Variants in MALRD1 observed in about 807,000 individuals in gnomAD.
MALRD1 encodes the protein MAM and LDL-receptor class A domain-containing protein 1.
MALRD1 carries 247 observed loss-of-function variants against 242.1 expected under a neutral mutation model. That is an observed-to-expected ratio of 1.02 (90% CI 0.92 to 1.13). The LOEUF (loss-of-function observed/expected upper bound fraction) is 1.13, where lower values mean the gene tolerates loss of function less well. Ranked by LOEUF, MALRD1 falls within the 50% of genes most tolerant of loss-of-function variation. The probability of loss-of-function intolerance (pLI) is 0.00; values close to 1 mark genes in which losing one functional copy is unlikely to be tolerated. For synonymous variants in MALRD1, 995 were observed against 866.6 expected (o/e 1.15, Z -2.60); for missense variants, 2,989 against 2,533.1 (o/e 1.18, Z -3.86).
intron 33 of MALRD1, among the ~76,000 whole-genome samples, chr10:19,574,298 G>A (rs1205511559): frequency 2.0e-5 from 3 of 152,152 alleles, no homozygotes; most frequent in Non-Finnish European, 1.5e-5. Flanking sequence ...TATATGCCTG[G>A]ATGAGTTCCT....
At chr10:19,602,900 A>T (rs1838430688) in intron 34 of MALRD1, among the ~76,000 whole-genome samples, 1 of 152,088 alleles carries the variant, frequency 6.6e-6, no homozygotes, top group Non-Finnish European at 1.5e-5. Flanking sequence ...AACTGGTGTG[A>T]GATGGTATCT....
intron 29 of MALRD1, among the ~76,000 whole-genome samples, chr10:19,475,482 A>G (rs1209138131): frequency 1.3e-5 from 2 of 152,204 alleles, no homozygotes; most frequent in Non-Finnish European, 2.9e-5. Context: ...TTACAAAATA[A>G]AGAATATAAG....
intron 28 of MALRD1, among the ~76,000 whole-genome samples, chr10:19,399,177 A>G (rs1268611825): frequency 1.3e-5 from 2 of 152,188 alleles, no homozygotes; most frequent in Non-Finnish European, 2.9e-5. Context: ...GAAATTTTGT[A>G]GGTTCAACTG....
At chr10:19,386,024 T>C (rs1305240602) in intron 26 of MALRD1, among the ~76,000 whole-genome samples, 3 of 152,142 alleles carry the variant, frequency 2.0e-5, no homozygotes, top group African/African-American at 7.2e-5. Context: ...AAAGTCCACC[T>C]AATTAGGCAA....
At chr10:19,180,676 A>G (rs946169841) in intron 14 of MALRD1, among the ~76,000 whole-genome samples, 6 of 152,226 alleles carry the variant, frequency 3.9e-5, no homozygotes, top group Non-Finnish European at 5.9e-5. Flanking sequence ...ATTTTTTAAT[A>G]TCACACCAAA....
At chr10:19,674,108 C>G (rs181439762) in intron 36 of MALRD1, among the ~76,000 whole-genome samples, 4 of 151,960 alleles carry the variant, frequency 2.6e-5, no homozygotes, top group Non-Finnish European at 5.9e-5. Context: ...TCCATGAAAG[C>G]GCAAGATAGT....
intron 21 of MALRD1, among the ~76,000 whole-genome samples, chr10:19,309,612 G>A (rs753650281): frequency 6.6e-6 from 1 of 151,540 alleles, no homozygotes; most frequent in Non-Finnish European, 1.5e-5. Flanking sequence ...CAGGTGAAAA[G>A]GTGGTGTTGG....
chr10:19,730,500 A>G (rs1362006684), intron 38 of MALRD1: 1 of 622,062 alleles, frequency 1.6e-6, no homozygotes, highest in Non-Finnish European at 2.9e-6. Context: ...TTCAAATTAC[A>G]TTTGCTTTCC....
intron 33 of MALRD1, among the ~76,000 whole-genome samples, chr10:19,573,347 T>C (rs1836653214): frequency 6.6e-6 from 1 of 152,154 alleles, no homozygotes; most frequent in African/African-American, 2.4e-5. Flanking sequence ...TCAGGGCACC[T>C]ACCCAGCTCA....
chr10:19,355,742 G>T (rs1036162572), intron 26 of MALRD1, among the ~76,000 whole-genome samples: 8 of 149,762 alleles, frequency 5.3e-5, no homozygotes, highest in African/African-American at 2.0e-4. Flanking sequence ...GCTAAACTTG[G>T]TTTAGAGACT....
At position 19,653,193 on chromosome 10, in the gene MALRD1, T is replaced by TTTA. The variant is rs201299351; in HGVS notation, c.6137+37282_6137+37284dup. Among the ~76,000 whole-genome samples, 451 of 151,692 alleles carry TTTA rather than the reference T, an allele frequency of 3.0e-3. 2 individuals are homozygous for TTTA. Among genetic ancestry groups the TTTA allele is most frequent in the African/African-American group, 9.7e-3 (403 of 41,366 alleles). ...TCTCTTGCTGATTTCTCTTTTATAT[T>TTTA]TTATTATTATTATTTTTTTTTGAGA... On this transcript the variant is annotated intron_variant, in intron 36 of 39. Coordinates refer to ENST00000454679, the MANE Select transcript of MALRD1 (RefSeq NM_001142308.3).
intron 18 of MALRD1, among the ~76,000 whole-genome samples, chr10:19,229,594 C>T (rs193221013): frequency 2.6e-5 from 4 of 152,262 alleles, no homozygotes; most frequent in Non-Finnish European, 4.4e-5. Context: ...CGTTTAGTCG[C>T]TTCCACCCAT....
chr10:19,524,973 G>A (rs1212152744), intron 31 of MALRD1, among the ~76,000 whole-genome samples: 2 of 151,532 alleles, frequency 1.3e-5, no homozygotes, highest in Admixed American at 6.6e-5. Flanking sequence ...GCATAATCTC[G>A]GCTTACTGCA....
At chr10:19,255,614 G>T (rs1279950870) in intron 18 of MALRD1, among the ~76,000 whole-genome samples, 1 of 151,898 alleles carries the variant, frequency 6.6e-6, no homozygotes, top group Non-Finnish European at 1.5e-5. Flanking sequence ...CATACAAATG[G>T]ACAATTTTAG....
At chr10:19,160,016 AC>A (rs1306479673) in intron 12 of MALRD1, among the ~76,000 whole-genome samples, 1 of 152,198 alleles carries the variant, frequency 6.6e-6, no homozygotes, top group African/African-American at 2.4e-5. Flanking sequence ...TTTTTTAACC[AC>A]ATGAAATTCT....
intron 19 of MALRD1, among the ~76,000 whole-genome samples, chr10:19,260,167 T>C (rs936844203): frequency 6.6e-5 from 10 of 152,230 alleles, no homozygotes; most frequent in African/African-American, 2.2e-4. Context: ...CTATAGTATA[T>C]GTCAGTCAGC....
intron 26 of MALRD1, among the ~76,000 whole-genome samples, chr10:19,367,950 G>GTAT (rs1008098628): frequency 6.6e-6 from 1 of 151,736 alleles, no homozygotes; most frequent in Non-Finnish European, 1.5e-5. Flanking sequence ...TTAAATTGGA[G>GTAT]TATTATTATT....
rs1835522301 is a variant in MALRD1 at position 19,454,432 on chromosome 10, A to AT, written c.5029+3942_5029+3943insT. On this transcript the variant is annotated intron_variant, in intron 29 of 39. Transcript: ENST00000454679. ...TATATATATATATATATATATATAT[A>AT]ATTATATGATACATACATATAAATT... Among the ~76,000 whole-genome samples the AT allele has an allele frequency of 1.1e-3, 148 of 130,608 alleles. 2 individuals are homozygous for AT. Among genetic ancestry groups the AT allele is most frequent in the East Asian group, 0.01 (48 of 4,746 alleles). 85.7% of individuals were successfully genotyped at this position (130,608 alleles called of 152,430 possible).
chr10:19,653,749 G>A (rs1360981824), intron 36 of MALRD1, among the ~76,000 whole-genome samples: 1 of 152,036 alleles, frequency 6.6e-6, no homozygotes, highest in Non-Finnish European at 1.5e-5. Flanking sequence ...CATCCAAATA[G>A]TCTACGTAAA....
Sources: gnomAD v4.1 joint callset for allele counts (sites outside exome capture counted in the v4.1 genomes callset) on GRCh38, gnomAD v4.1.1 for gene constraint, MANE v1.5 for transcripts, NCBI Gene and HGNC (gene_info 2026-07-23, HGNC 2026-07-21) for gene names.